Variants in IL1RAPL2 observed in about 807,000 individuals in gnomAD.
The protein encoded by IL1RAPL2 is interleukin 1 receptor accessory protein like 2, also known as X-linked interleukin-1 receptor accessory protein-like 2.
In IL1RAPL2, 3 loss-of-function variants were observed where a neutral mutation model predicts 44.1. The observed-to-expected ratio is 0.07, with a 90% confidence interval of 0.03 to 0.18. The LOEUF (loss-of-function observed/expected upper bound fraction) is 0.18, where lower values mean the gene tolerates loss of function less well. Ranked by LOEUF, IL1RAPL2 falls within the 10% of genes least tolerant of loss-of-function variation. The probability of loss-of-function intolerance (pLI) is 1.00; values close to 1 mark genes in which losing one functional copy is unlikely to be tolerated. For synonymous variants in IL1RAPL2, 181 were observed against 178.8 expected (o/e 1.01, Z -0.10); for missense variants, 391 against 496.4 (o/e 0.79, Z 2.02).
chrX:105,620,345 A>G (rs1171760638), intron 6 of IL1RAPL2, among the ~76,000 whole-genome samples: 6 of 111,304 alleles, frequency 5.4e-5, no homozygotes, highest in Non-Finnish European at 1.1e-4. Context: ...TCCAGATTAC[A>G]CAGTTAGTAA....
rs150370853 is a variant in IL1RAPL2 at position 105,394,830 on chromosome X, G to T, written c.698-89483G>T. 2.1e-3 allele frequency among the ~76,000 whole-genome samples: 229 copies of T among 110,690 alleles called. 2 individuals are homozygous for T. Among genetic ancestry groups the T allele is most frequent in the Middle Eastern group, 9.2e-3 (2 of 217 alleles). On this transcript the variant is annotated intron_variant, in intron 5 of 10. Transcript: ENST00000372582. ...AAGATTTTGCTCTTGGTATTGCTCT[G>T]ACATGTGATGTTTTTTCTCCTTTTC...
rs369301346 is a variant in IL1RAPL2, at chrX:105,219,076, A to G, written c.357-14742A>G. 1.7e-5 allele frequency: 20 copies of G among 1,208,666 alleles called. No homozygotes were observed. In the African/African-American group the frequency reaches 2.5e-4, roughly 15 times the overall value. On this transcript the variant is annotated intron_variant, in intron 3 of 10. Coordinates refer to ENST00000372582, the MANE Select transcript of IL1RAPL2 (RefSeq NM_017416.2). ...GTCCCAGTCCCCTGGCCTGCGATAT[A>G]CTGGAGGTCTTTGCTGATGAGGTTC...
rs771181775 is a variant in IL1RAPL2 at position 105,406,851 on chromosome X, G to A, written c.698-77462G>A. ...GAAGTCAGATGACAGGAATTAACCTGAGAGTGGCTACCTTAAAAGATGCAA... is the reference window on the plus strand; with the variant it reads ...GAAGTCAGATGACAGGAATTAACCTAAGAGTGGCTACCTTAAAAGATGCAA... On this transcript the variant is annotated intron_variant, in intron 5 of 10. Coordinates refer to ENST00000372582, the MANE Select transcript of IL1RAPL2 (RefSeq NM_017416.2). 306 of 1,133,663 alleles carry A rather than the reference G, an allele frequency of 2.7e-4. No individual in the cohort carries two copies. In the African/African-American group the frequency reaches 5.1e-3, roughly 19 times the overall value. 93.4% of individuals were successfully genotyped at this position (1,133,663 alleles called of 1,213,427 possible).
At chrX:104,901,048 T>TC (rs1442302061) in intron 2 of IL1RAPL2, among the ~76,000 whole-genome samples, 1 of 111,132 alleles carries the variant, frequency 9.0e-6, no homozygotes, top group African/African-American at 3.3e-5. Flanking sequence ...TCCAACCATT[T>TC]CCAAGTGAGA....
At chrX:105,124,538 C>T (rs60354628) in intron 2 of IL1RAPL2, among the ~76,000 whole-genome samples, 2 of 109,648 alleles carry the variant, frequency 1.8e-5, no homozygotes, top group Non-Finnish European at 3.8e-5. Context: ...TAAACTTCCT[C>T]CACTCAGGGT....
chrX:104,664,472 G>A (rs1207262373), intron 2 of IL1RAPL2, among the ~76,000 whole-genome samples: 1 of 111,623 alleles, frequency 9.0e-6, no homozygotes, highest in Non-Finnish European at 1.9e-5. Context: ...CGGAGAGCTG[G>A]GTTGATTGTG....
At chrX:104,636,732 A>G (rs1179558394) in intron 1 of IL1RAPL2, among the ~76,000 whole-genome samples, 2 of 112,163 alleles carry the variant, frequency 1.8e-5, no homozygotes, top group Non-Finnish European at 3.8e-5. Context: ...TTTTCCAGGT[A>G]CCGTCTGTCA....
At chrX:104,752,485 T>C (rs1296180733) in intron 2 of IL1RAPL2, among the ~76,000 whole-genome samples, 1 of 110,988 alleles carries the variant, frequency 9.0e-6, no homozygotes, top group East Asian at 2.8e-4. Flanking sequence ...GGCTATAATT[T>C]AGTTTCCTAG....
rs748813926 is a variant in IL1RAPL2, at chrX:104,894,000, A to C, written c.82+235005A>C. On this transcript the variant is annotated intron_variant, in intron 2 of 10. Coordinates refer to ENST00000372582, the MANE Select transcript of IL1RAPL2 (RefSeq NM_017416.2). ...AGGTCTAGTGGTTATAAAATCTCTC[A>C]GCATTTGCTTGTCTGTAAAGTATTT... Among the ~76,000 whole-genome samples, 13 of 111,316 alleles carry C rather than the reference A, an allele frequency of 1.2e-4. No individual in the cohort carries two copies. The South Asian group carries it at 5.0e-3, about 42-fold the overall frequency.
intron 6 of IL1RAPL2, among the ~76,000 whole-genome samples, chrX:105,593,847 A>G (rs1027648912): frequency 3.6e-5 from 4 of 111,718 alleles, no homozygotes; most frequent in Non-Finnish European, 7.5e-5. Context: ...TGAGGGGTCT[A>G]GCCAAAGTAC....
chrX:105,220,451 T>C, intron 3 of IL1RAPL2: 1 of 1,054,365 alleles, frequency 9.5e-7, no homozygotes, highest in Admixed American at 2.9e-5. Flanking sequence ...GAGCAGCCAA[T>C]AGGTTCCTTT....
intron 2 of IL1RAPL2, among the ~76,000 whole-genome samples, chrX:104,842,450 C>T (rs2147636187): frequency 9.0e-6 from 1 of 111,208 alleles, no homozygotes; most frequent in East Asian, 2.9e-4. Flanking sequence ...GTGTTGCAAT[C>T]ATTTGGAGGA....
chrX:105,731,087 G>T (rs2038401717), intron 7 of IL1RAPL2, among the ~76,000 whole-genome samples: 1 of 110,584 alleles, frequency 9.0e-6, no homozygotes, highest in Non-Finnish European at 1.9e-5. Flanking sequence ...AAAATGAAAA[G>T]TTATTTTGAA....
intron 6 of IL1RAPL2, among the ~76,000 whole-genome samples, chrX:105,513,944 G>A (rs772746347): frequency 1.8e-5 from 2 of 110,816 alleles, no homozygotes; most frequent in East Asian, 2.8e-4. Flanking sequence ...GTTGATTTTC[G>A]TACAAGGTGT....
intron 2 of IL1RAPL2, among the ~76,000 whole-genome samples, chrX:104,823,123 T>G (rs895375585): frequency 9.0e-6 from 1 of 111,283 alleles, no homozygotes; most frequent in Admixed American, 9.6e-5. Flanking sequence ...TATTATACTT[T>G]AAGTTTTAGG....
chrX:105,166,156 G>A (rs887656329), intron 2 of IL1RAPL2, among the ~76,000 whole-genome samples: 4 of 111,007 alleles, frequency 3.6e-5, no homozygotes, highest in East Asian at 2.8e-4. Context: ...AGTACCTGGC[G>A]CATGGTAAGC....
chrX:105,767,017 G>T lies in IL1RAPL2; in HGVS notation c.1417G>T (p.Val473Leu), dbSNP rs201599857. 26 of 1,208,647 alleles carry T rather than the reference G, an allele frequency of 2.2e-5. No individual in the cohort carries two copies. The highest frequency in any genetic ancestry group is 2.7e-5 in the Non-Finnish European group (24 of 893,100). Reference sequence around the variant, plus strand: ...TGAACAAAGCAGAAGACTTATTATCGTGCTAACTCCAGACTATATTCTCAG... The same window carrying T: ...TGAACAAAGCAGAAGACTTATTATCTTGCTAACTCCAGACTATATTCTCAG... ...YVEQSRRLIIVLTPDYILRRG... is the reference protein window; with the variant it reads ...YVEQSRRLIILLTPDYILRRG... Residue 473 changes from valine (V) to leucine (L), a missense_variant, in exon 11 of 11, where the codon GTG becomes TTG. This residue lies in a region of IL1RAPL2 where 232 missense variants were observed against 244.8 expected (regional missense o/e 0.95). Transcript: ENST00000372582.
At position 105,749,118 on chromosome X, in the gene IL1RAPL2, A is replaced by G. The variant is rs962599284; in HGVS notation, c.1192+15A>G. 3.4e-6 allele frequency: 4 copies of G among 1,192,145 alleles called. No homozygotes were observed. The highest frequency in any genetic ancestry group is 2.2e-5 in the Admixed American group (1 of 44,793). ...AACTAATGATGGTAAGCTGTCTTCT[A>G]TTGTTCAAATTCCATTAAACGGCAT... is the stretch of plus-strand genomic sequence containing the variant. On this transcript the variant is annotated intron_variant, in intron 9 of 10. Coordinates refer to ENST00000372582, the MANE Select transcript of IL1RAPL2 (RefSeq NM_017416.2).
chrX:104,705,048 G>C (rs1602688939), intron 2 of IL1RAPL2, among the ~76,000 whole-genome samples: 1 of 111,764 alleles, frequency 8.9e-6, no homozygotes, highest in Admixed American at 9.5e-5. Context: ...AAGCATTGGA[G>C]GGGGAGGAGA....
Sources: gnomAD v4.1 joint callset for allele counts (sites outside exome capture counted in the v4.1 genomes callset) on GRCh38, gnomAD v4.1.1 for gene constraint, gnomAD v4.1.1 regional missense constraint, MANE v1.5 for transcripts, NCBI Gene and HGNC (gene_info 2026-07-23, HGNC 2026-07-21) for gene names.